The following MYEF2 variants were observed in gnomAD, a reference collection of about 807,000 sequenced individuals.
MYEF2 encodes the protein myelin expression factor 2.
Under a neutral mutation model 75.2 loss-of-function variants are expected in MYEF2, and 37 were observed. The ratio of observed to expected loss-of-function variants is 0.49; its 90% CI spans 0.38 to 0.65. MYEF2 has a LOEUF of 0.65. MYEF2 is among the 30% of genes least tolerant of loss of function. MYEF2 has a pLI of 0.00. For synonymous variants in MYEF2, 195 were observed against 241.6 expected (o/e 0.81, Z 1.79); for missense variants, 634 against 771.4 (o/e 0.82, Z 2.11).
In MYEF2 at chr15:48,138,630, C is replaced by T; in HGVS notation, c.*4278G>A. 2 of 195,176 alleles carry T rather than the reference C, an allele frequency of 1.0e-5. No homozygotes were observed. The highest frequency in any genetic ancestry group is 1.1e-4 in the Admixed American group (2 of 18,732). The allele number at this position is 195,176 out of a possible 1,614,324, so 12.1% of individuals were successfully genotyped here. A position where few individuals can be genotyped will look rare whatever the true frequency, so the allele number is the denominator to read the frequency against. On this transcript the variant is annotated 3_prime_UTR_variant, in exon 17 of 17. Coordinates refer to ENST00000324324, the MANE Select transcript of MYEF2 (RefSeq NM_016132.5). ...TAGCTAGGTTAGAAACCAGGTTAAT[C>T]CCTTAAGCAAAAAGTTACTGAAGAC...
chr15:48,135,728 T>C lies in MYEF2; in HGVS notation c.*7180A>G, dbSNP rs1481477017. ...AAAATATGAAAAAAAAAAAATGTAA[T>C]GGTGTCCATCTGGAGAACCATAACC... On this transcript the variant is annotated 3_prime_UTR_variant, in exon 17 of 17. Transcript: ENST00000324324. The C allele has an allele frequency of 6.6e-6, 1 of 151,330 alleles. No individual in the cohort carries two copies. The highest frequency in any genetic ancestry group is 1.5e-5 in the Non-Finnish European group (1 of 67,894). The allele number at this position is 151,330 out of a possible 1,614,324, so 9.4% of individuals were successfully genotyped here.
At chr15:48,147,003 T>G (rs1213112372) in intron 16 of MYEF2, among the ~76,000 whole-genome samples, 3 of 151,700 alleles carry the variant, frequency 2.0e-5, no homozygotes, top group Non-Finnish European at 4.4e-5. Flanking sequence ...AATCTAAGAG[T>G]CAGAAACTTT....
chr15:48,167,765 T>A (rs2040182984), intron 2 of MYEF2, among the ~76,000 whole-genome samples: 1 of 152,130 alleles, frequency 6.6e-6, no homozygotes, highest in Non-Finnish European at 1.5e-5. Context: ...TTGGTCAGCC[T>A]ACACACAACA....
Position 48,151,861 on chromosome 15 carries a change from T to C in MYEF2, c.1207+13A>G, listed in dbSNP as rs1450302588. 15 of 1,612,172 alleles carry C rather than the reference T, an allele frequency of 9.3e-6. No homozygotes were observed. Among genetic ancestry groups the C allele is most frequent in the Non-Finnish European group, 1.3e-5 (15 of 1,178,586 alleles). ...AAATATGCACACACTTCCCACTGCA[T>C]ACATTTACCTACCTCCCATTCGGCC... On this transcript the variant is annotated intron_variant, in intron 12 of 16. Transcript: ENST00000324324.
chr15:48,151,399 AC>A (rs1345084127), intron 13 of MYEF2, 73 bp downstream of exon 13: 8 of 1,369,838 alleles, frequency 5.8e-6, no homozygotes, highest in Non-Finnish European at 8.3e-6. Flanking sequence ...CTGATTTTTC[AC>A]AAAAAAAGAG....
At chr15:48,150,545 G>A (rs2039452963) in intron 14 of MYEF2, among the ~76,000 whole-genome samples, 1 of 151,986 alleles carries the variant, frequency 6.6e-6, no homozygotes, top group African/African-American at 2.4e-5. Context: ...TAAAAGGTAG[G>A]AGTGGAAATA....
chr15:48,134,883 G>T lies in MYEF2; in HGVS notation c.*8025C>A. The T allele has an allele frequency of 6.2e-7, 1 of 1,604,756 alleles. No homozygotes were observed. Among genetic ancestry groups the T allele is most frequent in the Non-Finnish European group, 8.5e-7 (1 of 1,173,762 alleles). On this transcript the variant is annotated 3_prime_UTR_variant, in exon 17 of 17. Coordinates refer to ENST00000324324, the MANE Select transcript of MYEF2 (RefSeq NM_016132.5). The stretch of plus-strand genomic sequence containing the variant: ...GGAAATAATAACTTACCATATTACA[G>T]GTCTCAACACTATCATGTTGGCCCC...
Position 48,152,245 on chromosome 15 carries a change from C to A in MYEF2, c.1127G>T (p.Arg376Ile), listed in dbSNP as rs1479186718. The change falls in exon 11 of 17, where the codon AGA (arginine) becomes ATA (isoleucine). Residue 376 changes from arginine (R) to isoleucine (I), a missense_variant. Physicochemically the swap from Arg to Ile is moderately conservative, Grantham distance 97 (BLOSUM62 -3). Coordinates refer to ENST00000324324, the MANE Select transcript of MYEF2 (RefSeq NM_016132.5). ...MDGPGFGGMN[R>I]IGGGIGFGGL... The stretch of plus-strand genomic sequence containing the variant: ...ATCTTTATACATACCTCCTCCAATT[C>A]TATTCATTCCTCCAAAACCTGGACC... The A allele has an allele frequency of 1.2e-6, 2 of 1,611,538 alleles. No homozygotes were observed. The highest frequency in any genetic ancestry group is 2.7e-5 in the African/African-American group (2 of 74,786).
In MYEF2 at chr15:48,136,754, A is replaced by G. The variant is rs2038910023; in HGVS notation, c.*6154T>C. ...GTGCTGTGTTTTGACATTAAAATTAACCAATATATTATAAAGAAATGCAGT... is the reference window on the plus strand; with the variant it reads ...GTGCTGTGTTTTGACATTAAAATTAGCCAATATATTATAAAGAAATGCAGT... On this transcript the variant is annotated 3_prime_UTR_variant, in exon 17 of 17. Coordinates refer to ENST00000324324, the MANE Select transcript of MYEF2 (RefSeq NM_016132.5). 1 of 1,613,572 alleles carries G rather than the reference A, an allele frequency of 6.2e-7. No individual in the cohort carries two copies. The highest frequency in any genetic ancestry group is 2.2e-5 in the East Asian group (1 of 44,864).
chr15:48,141,042 A>G lies in MYEF2; in HGVS notation c.*1866T>C. ...TTTTATTTTTGTTCACGAAGGAAATATCCAAAATAACTGCAAAGGATGGTT... is the reference window on the plus strand; with the variant it reads ...TTTTATTTTTGTTCACGAAGGAAATGTCCAAAATAACTGCAAAGGATGGTT... On this transcript the variant is annotated 3_prime_UTR_variant, in exon 17 of 17. Coordinates refer to ENST00000324324, the MANE Select transcript of MYEF2 (RefSeq NM_016132.5). 1 of 1,266,172 alleles carries G rather than the reference A, an allele frequency of 7.9e-7. No individual in the cohort carries two copies. Among genetic ancestry groups the G allele is most frequent in the Non-Finnish European group, 1.1e-6 (1 of 879,510 alleles). 78.4% of individuals were successfully genotyped at this position (1,266,172 alleles called of 1,614,324 possible). A position where few individuals can be genotyped will look rare whatever the true frequency, so the allele number is the denominator to read the frequency against.
rs377459476 is a variant in MYEF2 at position 48,153,842 on chromosome 15, C to T, written c.1037G>A (p.Ser346Asn). 2.5e-6 allele frequency: 4 copies of T among 1,613,352 alleles called. No homozygotes were observed. In the African/African-American group the frequency reaches 5.3e-5, roughly 22 times the overall value. ...MGLGPGGQPI[S>N]ASQLNIGGVM... ...TCCACCTATGTTCAACTGGCTGGCACTAATAGGCTGTCCACCCGGACCAAG... is the reference window on the plus strand; with the variant it reads ...TCCACCTATGTTCAACTGGCTGGCATTAATAGGCTGTCCACCCGGACCAAG... Residue 346 changes from serine to asparagine, a missense_variant, in exon 10 of 17, where the codon AGT becomes AAT. Coordinates refer to ENST00000324324, the MANE Select transcript of MYEF2 (RefSeq NM_016132.5).
intron 7 of MYEF2, among the ~76,000 whole-genome samples, chr15:48,158,436 A>G (rs2039791996): frequency 6.6e-6 from 1 of 152,188 alleles, no homozygotes; most frequent in Non-Finnish European, 1.5e-5. Context: ...TTTTAATTCA[A>G]CCATTGAAAA....
intron 9 of MYEF2, 162 bp from the exon 10 acceptor site, chr15:48,154,055 A>G: frequency 1.8e-6 from 1 of 548,602 alleles, no homozygotes; most frequent in Non-Finnish European, 3.2e-6. Context: ...AAAGTAGCAC[A>G]CTGAAGCCCG....
chr15:48,157,951 CA>C, intron 9 of MYEF2, 41 bp downstream of exon 9: 1 of 1,607,814 alleles, frequency 6.2e-7, no homozygotes, highest in Middle Eastern at 1.7e-4. Flanking sequence ...TAAAACAAAC[CA>C]AAAAAAGCCT....
intron 1 of MYEF2, among the ~76,000 whole-genome samples, chr15:48,177,095 G>T (rs750877943): frequency 4.6e-5 from 7 of 152,128 alleles, no homozygotes; most frequent in Non-Finnish European, 7.3e-5. Flanking sequence ...ATTGCTTTCT[G>T]CTCTGAGGCA....
chr15:48,168,610 G>A, intron 2 of MYEF2, 21 bp downstream of exon 2: 1 of 1,582,812 alleles, frequency 6.3e-7, no homozygotes, highest in Non-Finnish European at 8.7e-7. Flanking sequence ...TCCAACAGTG[G>A]GTTATTTCAG....
rs747337513 is a variant in MYEF2 at position 48,142,351 on chromosome 15, ATAT to A, written c.*554_*556del. 6.4e-7 allele frequency: 1 copy of A among 1,574,372 alleles called. No homozygotes were observed. The highest frequency in any genetic ancestry group is 1.4e-5 in the African/African-American group (1 of 73,394). On this transcript the variant is annotated 3_prime_UTR_variant, in exon 17 of 17. Transcript: ENST00000324324. ...ATAAAATAAGGGGCTGTGGAGGTTG[ATAT>A]TATTAATAGTGTTATGCAGAAAATA...
intron 5 of MYEF2, among the ~76,000 whole-genome samples, chr15:48,162,349 G>C (rs1183397927): frequency 6.6e-6 from 1 of 152,064 alleles, no homozygotes; most frequent in African/African-American, 2.4e-5. Context: ...ACACTAAATG[G>C]TTTACATATA....
chr15:48,151,941 T>A lies in MYEF2; in HGVS notation c.1140A>T (p.Gly380=). 1.2e-6 allele frequency: 2 copies of A among 1,613,332 alleles called. No individual in the cohort carries two copies. Among genetic ancestry groups the A allele is most frequent in the Non-Finnish European group, 1.7e-6 (2 of 1,179,436 alleles). The change falls in exon 12 of 17, where the codon GGA becomes GGT. Residue 380 remains glycine, a splice_region_variant and synonymous_variant. Coordinates refer to ENST00000324324, the MANE Select transcript of MYEF2 (RefSeq NM_016132.5). The part of the protein sequence containing the change: ...GFGGMNRIGG[G]IGFGGLEAMN... Reference sequence around the variant, plus strand: ...TTGCTTCCAGACCACCAAACCCTATTCCTATGGAATAAAGATTAATTTTGA... The same window carrying A: ...TTGCTTCCAGACCACCAAACCCTATACCTATGGAATAAAGATTAATTTTGA...
Sources: allele counts gnomAD v4.1 joint callset (sites outside exome capture counted in the v4.1 genomes callset), GRCh38; gene constraint gnomAD v4.1.1; transcripts MANE v1.5; gene names NCBI Gene and HGNC (gene_info 2026-07-23, HGNC 2026-07-21).